The following AGO2 variants were observed in gnomAD, a reference collection of about 807,000 sequenced individuals.
The protein encoded by AGO2 is protein argonaute-2.
In AGO2, 5 loss-of-function variants were observed where a neutral mutation model predicts 102.3. That is an observed-to-expected ratio of 0.05 (90% CI 0.03 to 0.10). The LOEUF (loss-of-function observed/expected upper bound fraction) is 0.10, where lower values mean the gene tolerates loss of function less well. Ranked by LOEUF, AGO2 falls within the 10% of genes least tolerant of loss-of-function variation. AGO2 has a pLI of 1.00. For missense variants in AGO2, 541 were observed against 1,183.7 expected (o/e 0.46, Z 7.97); for synonymous variants, 449 against 473.1 (o/e 0.95, Z 0.66).
chr8:140,574,417 A>G (rs930738534), intron 2 of AGO2, among the ~76,000 whole-genome samples: 23 of 152,136 alleles, frequency 1.5e-4, no homozygotes, highest in African/African-American at 4.8e-4. Context: ...CCAGGCCACT[A>G]TGCCCAGTTA....
In AGO2 at chr8:140,589,663, A is replaced by C. The variant is rs2073718198; in HGVS notation, c.23-4352T>G. ...AACGTGCAGGCCAAAGAAAGTGAGAAGGATAGCTCAGGGCTGCTAAACACT... is the reference window on the plus strand; with the variant it reads ...AACGTGCAGGCCAAAGAAAGTGAGACGGATAGCTCAGGGCTGCTAAACACT... On this transcript the variant is annotated intron_variant, in intron 1 of 18. Transcript: ENST00000220592. The surrounding 1 kb of genome is among the most constrained non-coding windows in gnomAD (Gnocchi z 4.2). Among the ~76,000 whole-genome samples the C allele has an allele frequency of 6.6e-6, 1 of 152,154 alleles. No homozygotes were observed. Among genetic ancestry groups the C allele is most frequent in the Admixed American group, 6.5e-5 (1 of 15,282 alleles).
rs368945218 is a variant in AGO2, at chr8:140,562,641, G to A, written c.337-7C>T. ...GCGTGACCTCCAGCTCCACCTGCGAGGATCCAAGGCACACAAGGTTACTCC... is the reference window on the plus strand; with the variant it reads ...GCGTGACCTCCAGCTCCACCTGCGAAGATCCAAGGCACACAAGGTTACTCC... On this transcript the variant is annotated splice_polypyrimidine_tract_variant and splice_region_variant and intron_variant, in intron 3 of 18. Transcript: ENST00000220592. 7.4e-6 allele frequency: 12 copies of A among 1,612,338 alleles called. No individual in the cohort carries two copies. The African/African-American group carries it at 1.6e-4, about 22-fold the overall frequency.
intron 1 of AGO2, among the ~76,000 whole-genome samples, chr8:140,610,774 C>T (rs960966907): frequency 3.9e-5 from 6 of 152,186 alleles, no homozygotes; most frequent in Admixed American, 2.0e-4. Flanking sequence ...GCCAACCCCC[C>T]CATATGCTCA....
At chr8:140,614,107 C>T (rs2074113453) in intron 1 of AGO2, among the ~76,000 whole-genome samples, 1 of 150,444 alleles carries the variant, frequency 6.6e-6, no homozygotes, top group African/African-American at 2.4e-5. Flanking sequence ...CGGATCATCT[C>T]TCAGGTCAGG....
chr8:140,570,158 C>T (rs2073356257), intron 3 of AGO2, among the ~76,000 whole-genome samples: 2 of 152,218 alleles, frequency 1.3e-5, no homozygotes, highest in African/African-American at 4.8e-5. Context: ...AGCCGGGGTA[C>T]CCCCATGCTA....
chr8:140,595,199 G>A (rs2073808032), intron 1 of AGO2, among the ~76,000 whole-genome samples: 1 of 152,168 alleles, frequency 6.6e-6, no homozygotes, highest in Non-Finnish European at 1.5e-5. Flanking sequence ...TAAATGAACT[G>A]TGAGGACAGT....
chr8:140,623,158 C>G (rs7831074), intron 1 of AGO2, among the ~76,000 whole-genome samples: 2 of 3,034 alleles, frequency 6.6e-4, no homozygotes, highest in East Asian at 2.8e-3. Flanking sequence ...GGGGAATAAT[C>G]CACATGGGGT....
chr8:140,641,330 AC>A, the AGO2 span, among the ~76,000 whole-genome samples: 1 of 150,838 alleles, frequency 6.6e-6, no homozygotes, highest in Non-Finnish European at 1.5e-5. Context: ...ACACACACAC[AC>A]ACACAAAACA....
rs2072408350 is a variant in AGO2 at position 140,520,961 on chromosome 8, C to T, written c.*11083G>A. 6.6e-6 allele frequency: 1 copy of T among 151,830 alleles called. No individual in the cohort carries two copies. Among genetic ancestry groups the T allele is most frequent in the South Asian group, 2.1e-4 (1 of 4,822 alleles). 9.4% of individuals were successfully genotyped at this position (151,830 alleles called of 1,614,324 possible). On this transcript the variant is annotated 3_prime_UTR_variant, in exon 19 of 19. Transcript: ENST00000220592. ...TTTTTATTTTTTAAGGATACTATATCCCTACAAGAGTAATTTTTAAATTTC... is the reference window on the plus strand; with the variant it reads ...TTTTTATTTTTTAAGGATACTATATTCCTACAAGAGTAATTTTTAAATTTC...
chr8:140,606,563 C>T lies in AGO2; in HGVS notation c.23-21252G>A, dbSNP rs115231846. ...CTTCAGCACAATGTGAAAAGAACAG[C>T]CAAACTAAGCCTATACATTCTGACA... On this transcript the variant is annotated intron_variant, in intron 1 of 18. Coordinates refer to ENST00000220592, the MANE Select transcript of AGO2 (RefSeq NM_012154.5). Among the ~76,000 whole-genome samples the T allele has an allele frequency of 4.6e-3, 699 of 152,336 alleles. 3 individuals are homozygous for T. Among genetic ancestry groups the T allele is most frequent in the African/African-American group, 0.016 (672 of 41,574 alleles).
intron 1 of AGO2, among the ~76,000 whole-genome samples, chr8:140,613,032 C>T (rs1217034021): frequency 2.6e-5 from 4 of 151,912 alleles, no homozygotes; most frequent in Admixed American, 6.6e-5. Flanking sequence ...ACCCCGTCTC[C>T]ACTAAAAATA....
At chr8:140,632,750 T>A (rs1181839423) in intron 1 of AGO2, among the ~76,000 whole-genome samples, 1 of 152,228 alleles carries the variant, frequency 6.6e-6, no homozygotes, top group Non-Finnish European at 1.5e-5. Flanking sequence ...TAGTAACATT[T>A]CTAACTTCAG....
intron 14 of AGO2, among the ~76,000 whole-genome samples, chr8:140,542,222 C>T (rs1286771633): frequency 6.6e-6 from 1 of 152,066 alleles, no homozygotes; most frequent in African/African-American, 2.4e-5. Flanking sequence ...ACGTGTCGCT[C>T]CACCCTCTGG....
the AGO2 span, among the ~76,000 whole-genome samples, chr8:140,641,897 C>T: frequency 6.6e-6 from 1 of 152,110 alleles, no homozygotes. Context: ...TAGAATGAGG[C>T]TGGGCACAGT....
chr8:140,613,065 T>C (rs553172245), intron 1 of AGO2, among the ~76,000 whole-genome samples: 2 of 151,708 alleles, frequency 1.3e-5, no homozygotes, highest in African/African-American at 4.8e-5. Flanking sequence ...CCAGGTGTGG[T>C]GGCAGACGCC....
intron 1 of AGO2, among the ~76,000 whole-genome samples, chr8:140,601,522 T>C (rs1329971366): frequency 6.6e-6 from 1 of 152,256 alleles, no homozygotes; most frequent in Non-Finnish European, 1.5e-5. Context: ...GCTAGGCTGA[T>C]GGATGTGAAC....
At chr8:140,640,724 T>C in the AGO2 span, among the ~76,000 whole-genome samples, 1 of 152,116 alleles carries the variant, frequency 6.6e-6, no homozygotes, top group African/African-American at 2.4e-5. Flanking sequence ...TTTCACCATA[T>C]TGGCCAGGCT....
At chr8:140,535,327 G>A in intron 17 of AGO2, 141 bp downstream of exon 17, 1 of 856,240 alleles carries the variant, frequency 1.2e-6, no homozygotes, top group East Asian at 2.6e-5. Context: ...GCACAGCCTG[G>A]GCTCCCCGGT....
intron 1 of AGO2, among the ~76,000 whole-genome samples, chr8:140,612,005 C>T (rs186827306): frequency 0.04 from 6,077 of 151,072 alleles, 338 homozygotes; most frequent in African/African-American, 0.13. Flanking sequence ...CGGGCGATCA[C>T]GAGGTCAGGA....
Sources: allele counts gnomAD v4.1 joint callset (sites outside exome capture counted in the v4.1 genomes callset), GRCh38; gene constraint gnomAD v4.1.1; non-coding constraint Gnocchi (gnomAD v3.1); transcripts MANE v1.5; gene names NCBI Gene and HGNC (gene_info 2026-07-23, HGNC 2026-07-21).